NUP214: variants seen among roughly 807,000 people sequenced by gnomAD.
NUP214 encodes the protein nuclear pore complex protein Nup214.
Under a neutral mutation model 196.2 loss-of-function variants are expected in NUP214, and 79 were observed. The ratio of observed to expected loss-of-function variants is 0.40; its 90% CI spans 0.34 to 0.49. The LOEUF (loss-of-function observed/expected upper bound fraction) is 0.49, where lower values mean the gene tolerates loss of function less well. Ranked by LOEUF, NUP214 falls within the 20% of genes least tolerant of loss-of-function variation. NUP214 has a pLI of 0.58. For missense variants in NUP214, 2,468 were observed against 2,539.0 expected, an observed-to-expected ratio of 0.97 and a Z score of 0.60; for synonymous variants, 1,020 against 990.5, an observed-to-expected ratio of 1.03 and a Z score of -0.56.
intron 26 of NUP214, 136 bp from the exon 27 acceptor site, chr9:131,192,072 G>A (rs903065767): frequency 1.5e-5 from 8 of 549,146 alleles, no homozygotes; most frequent in Admixed American, 7.3e-5. Flanking sequence ...GGCCACTGAC[G>A]TGTCACAGAA....
rs1218122106 is a variant in NUP214, at chr9:131,232,090, G to C, written c.6215-194G>C. On this transcript the variant is annotated intron_variant, in intron 34 of 35. Coordinates refer to ENST00000359428, the MANE Select transcript of NUP214 (RefSeq NM_005085.4). This position sits in a 1 kb window ranked among gnomAD's most constrained non-coding sequence, Gnocchi z 5.1. ...AAAGGATTTTTTCTGCCTTCTGGGG[G>C]ATCTGAGTAGCTCCAGAGGACAAAC... 6.6e-6 allele frequency among the ~76,000 whole-genome samples: 1 copy of C among 152,120 alleles called. No homozygotes were observed. The highest frequency in any genetic ancestry group is 1.5e-5 in the Non-Finnish European group (1 of 68,012).
At chr9:131,182,006 C>T (rs1457135311) in intron 24 of NUP214, among the ~76,000 whole-genome samples, 4 of 152,202 alleles carry the variant, frequency 2.6e-5, no homozygotes, top group Non-Finnish European at 5.9e-5. Flanking sequence ...AAGTAGAGAT[C>T]CAACTTCATT....
rs189014373 is a variant in NUP214 at position 131,171,480 on chromosome 9, C to T, written c.2894-2575C>T. ...GTTTGTATTAGTTTCCTATGGATGC[C>T]GTAACAAATTATCACAAACCTAGCG... On this transcript the variant is annotated intron_variant, in intron 21 of 35. Transcript: ENST00000359428. Among the ~76,000 whole-genome samples, 16 of 151,270 alleles carry T rather than the reference C, an allele frequency of 1.1e-4. No homozygotes were observed. In the Middle Eastern group the frequency reaches 0.011, roughly 101 times the overall value.
chr9:131,138,719 C>A (rs1831814125), intron 9 of NUP214, among the ~76,000 whole-genome samples: 2 of 152,184 alleles, frequency 1.3e-5, no homozygotes, highest in Non-Finnish European at 2.9e-5. Flanking sequence ...AATCTGGGGA[C>A]AGGAAAGCTG....
At chr9:131,160,699 A>G (rs1188514128) in intron 18 of NUP214, among the ~76,000 whole-genome samples, 1 of 152,254 alleles carries the variant, frequency 6.6e-6, no homozygotes, top group Non-Finnish European at 1.5e-5. Context: ...GGACAGGACT[A>G]TAATATGCTT....
At chr9:131,203,547 A>G (rs1209437925) in intron 30 of NUP214, among the ~76,000 whole-genome samples, 1 of 152,210 alleles carries the variant, frequency 6.6e-6, no homozygotes, top group Admixed American at 6.5e-5. Flanking sequence ...ATACATCTTC[A>G]GGAAGAAATT....
chr9:131,161,204 C>T (rs1832622053), intron 18 of NUP214, among the ~76,000 whole-genome samples: 1 of 150,862 alleles, frequency 6.6e-6, no homozygotes, highest in South Asian at 2.1e-4. Context: ...ATTTTGATAG[C>T]ACTTCTCTGT....
At position 131,125,664 on chromosome 9, in the gene NUP214, G is replaced by C. The variant is rs941736511; in HGVS notation, c.-41G>C. 10 of 1,548,098 alleles carry C rather than the reference G, an allele frequency of 6.5e-6. No individual in the cohort carries two copies. The highest frequency in any genetic ancestry group is 4.1e-5 in the African/African-American group (3 of 72,834). The stretch of plus-strand genomic sequence containing the variant: ...CCTGGGTTCCGTGGGCAAGGCCGTG[G>C]GAGGCAGCGTTGGCTGCTTCGACAC... On this transcript the variant is annotated 5_prime_UTR_variant, in exon 1 of 36. Transcript: ENST00000359428. This position sits in a 1 kb window ranked among gnomAD's most constrained non-coding sequence, Gnocchi z 4.1.
intron 27 of NUP214, among the ~76,000 whole-genome samples, chr9:131,194,540 A>T (rs889676005): frequency 2.6e-5 from 4 of 152,040 alleles, no homozygotes; most frequent in African/African-American, 7.2e-5. Flanking sequence ...CTGAGTTTTT[A>T]TCACAGTGAA....
rs774373099 is a variant in NUP214, at chr9:131,198,690, T to A, written c.5196T>A (p.Phe1732Leu). The change falls in exon 29 of 36, where the codon TTT (phenylalanine) becomes TTA (leucine). Residue 1732 changes from phenylalanine (F) to leucine (L), a missense_variant. By Grantham distance (22) the Phe-to-Leu change is conservative. Coordinates refer to ENST00000359428, the MANE Select transcript of NUP214 (RefSeq NM_005085.4). ...GQTTFGQASV[F>L]GQSASSAASV... ...CAACCTTCGGGCAGGCCTCAGTCTTTGGGCAGTCGGCGAGCAGTGCTGCAA... is the reference window on the plus strand; with the variant it reads ...CAACCTTCGGGCAGGCCTCAGTCTTAGGGCAGTCGGCGAGCAGTGCTGCAA... 6 of 1,614,238 alleles carry A rather than the reference T, an allele frequency of 3.7e-6. No individual in the cohort carries two copies. The East Asian group carries it at 1.1e-4, about 30-fold the overall frequency.
chr9:131,226,709 G>C (rs1834734056), intron 32 of NUP214, among the ~76,000 whole-genome samples: 1 of 152,068 alleles, frequency 6.6e-6, no homozygotes, highest in South Asian at 2.1e-4. Flanking sequence ...TTAACATGCG[G>C]AATGTTAACC....
chr9:131,187,285 T>C lies in NUP214; in HGVS notation c.3420-4T>C. The C allele has an allele frequency of 1.9e-6, 3 of 1,613,670 alleles. No homozygotes were observed. Among genetic ancestry groups the C allele is most frequent in the Non-Finnish European group, 2.5e-6 (3 of 1,179,630 alleles). ...TCTGAGTGTATGCTTTGTGTGTTTT[T>C]CAGTTCTTCAGTGCCCTACTCCACA... is the stretch of plus-strand genomic sequence containing the variant. On this transcript the variant is annotated splice_polypyrimidine_tract_variant and splice_region_variant and intron_variant, in intron 24 of 35. Coordinates refer to ENST00000359428, the MANE Select transcript of NUP214 (RefSeq NM_005085.4).
intron 14 of NUP214, 136 bp downstream of exon 14, chr9:131,147,720 C>A: frequency 1.5e-6 from 1 of 673,684 alleles, no homozygotes; most frequent in Non-Finnish European, 2.6e-6. Context: ...TAGTAAATAC[C>A]AAAGTGCGAG....
chr9:131,171,190 G>A (rs1191927605), intron 21 of NUP214, among the ~76,000 whole-genome samples: 1 of 152,222 alleles, frequency 6.6e-6, no homozygotes, highest in East Asian at 1.9e-4. Context: ...ATGCTTCTGT[G>A]AGTGAGCATG....
intron 30 of NUP214, among the ~76,000 whole-genome samples, chr9:131,214,411 A>G (rs1588172190): frequency 6.6e-6 from 1 of 152,302 alleles, no homozygotes; most frequent in South Asian, 2.1e-4. Flanking sequence ...TTTACAGGAG[A>G]GGATCCATAG....
In NUP214 at chr9:131,234,036, A is replaced by G. The variant is rs192293037; in HGVS notation, c.*549A>G. ...TGAGTGGAGGCAGAGGAAGCCACTC[A>G]TGCCAGCAGCAGTTGAGTTTCAGAA... is the stretch of plus-strand genomic sequence containing the variant. On this transcript the variant is annotated 3_prime_UTR_variant, in exon 36 of 36. Transcript: ENST00000359428. 2.0e-5 allele frequency: 5 copies of G among 254,840 alleles called. No individual in the cohort carries two copies. Among genetic ancestry groups the G allele is most frequent in the Admixed American group, 5.1e-5 (1 of 19,470 alleles). 15.8% of individuals were successfully genotyped at this position (254,840 alleles called of 1,614,324 possible).
chr9:131,176,448 T>C (rs1191681881), intron 23 of NUP214, among the ~76,000 whole-genome samples: 1 of 151,694 alleles, frequency 6.6e-6, no homozygotes, highest in Non-Finnish European at 1.5e-5. Context: ...CACCTCAGCC[T>C]CCTGGATAGC....
At position 131,174,125 on chromosome 9, in the gene NUP214, A is replaced by G. The variant is rs750328424; in HGVS notation, c.2964A>G (p.Ser988=). 1 of 1,613,976 alleles carries G rather than the reference A, an allele frequency of 6.2e-7. No homozygotes were observed. The highest frequency in any genetic ancestry group is 1.1e-5 in the South Asian group (1 of 91,060). Residue 988 remains serine (S), a synonymous_variant, in exon 22 of 36, where the codon TCA becomes TCG. Transcript: ENST00000359428. ...ACTTGGATGAAGTCAGCTCAACGTC[A>G]TCTGTCTCCCAGTCTCTGGAGAGTG... ...YEDLDEVSST[S]SVSQSLESED...
intron 25 of NUP214, 115 bp from the exon 26 acceptor site, chr9:131,188,938 G>A (rs1043237825): frequency 8.1e-6 from 6 of 743,410 alleles, no homozygotes; most frequent in African/African-American, 7.2e-5. Flanking sequence ...TTATCTAAAA[G>A]TATTTGTCCT....
Sources: gnomAD v4.1 joint callset for allele counts (sites outside exome capture counted in the v4.1 genomes callset) on GRCh38, gnomAD v4.1.1 for gene constraint, Gnocchi (gnomAD v3.1) non-coding constraint, MANE v1.5 for transcripts, NCBI Gene and HGNC (gene_info 2026-07-23, HGNC 2026-07-21) for gene names.